Variants in ATRNL1 observed in about 807,000 individuals in gnomAD.
ATRNL1 encodes the protein attractin like 1.
In ATRNL1, 95 loss-of-function variants were observed where a neutral mutation model predicts 182.7. The observed-to-expected ratio is 0.52, with a 90% CI of 0.44 to 0.62. ATRNL1 has a LOEUF of 0.62. Ranked by LOEUF, ATRNL1 falls within the 20% of genes least tolerant of loss-of-function variation. ATRNL1 has a pLI of 0.00. For missense variants in ATRNL1, 1,471 were observed against 1,679.5 expected (o/e 0.88, Z 2.17); for synonymous variants, 576 against 568.3 (o/e 1.01, Z -0.19).
chr10:115,260,745 A>T (rs1353708383), intron 10 of ATRNL1, among the ~76,000 whole-genome samples: 5 of 152,134 alleles, frequency 3.3e-5, no homozygotes, highest in African/African-American at 1.2e-4. Flanking sequence ...AAAGAAAAAA[A>T]TGAGCTCTTG....
intron 19 of ATRNL1, among the ~76,000 whole-genome samples, chr10:115,382,060 T>C (rs114750258): frequency 0.012 from 1,785 of 152,284 alleles, 33 homozygotes; most frequent in African/African-American, 0.04. Flanking sequence ...TTATACACAA[T>C]TTATATTTAT....
intron 28 of ATRNL1, among the ~76,000 whole-genome samples, chr10:115,911,789 A>T (rs1447727290): frequency 6.6e-5 from 10 of 152,144 alleles, no homozygotes; most frequent in Non-Finnish European, 1.5e-5. Flanking sequence ...GAGCACAAGG[A>T]AGAGCACAAG....
intron 27 of ATRNL1, among the ~76,000 whole-genome samples, chr10:115,821,704 T>G (rs561072565): frequency 6.6e-6 from 1 of 152,082 alleles, no homozygotes; most frequent in Non-Finnish European, 1.5e-5. Context: ...TATATGATGG[T>G]AAAGGGATCA....
At chr10:115,329,736 G>A (rs1301678802) in intron 18 of ATRNL1, among the ~76,000 whole-genome samples, 1 of 152,022 alleles carries the variant, frequency 6.6e-6, no homozygotes, top group African/African-American at 2.4e-5. Flanking sequence ...ATATGTTTTT[G>A]CATCTCATTA....
intron 25 of ATRNL1, among the ~76,000 whole-genome samples, chr10:115,547,700 A>G (rs559403606): frequency 6.6e-6 from 1 of 152,348 alleles, no homozygotes; most frequent in African/African-American, 2.4e-5. Flanking sequence ...ACAAAACAAA[A>G]CAAAATGAAA....
chr10:115,910,253 C>T lies in ATRNL1; in HGVS notation c.4019-34405C>T, dbSNP rs1272231528. Among the ~76,000 whole-genome samples, 3 of 152,194 alleles carry T rather than the reference C, an allele frequency of 2.0e-5. No individual in the cohort carries two copies. In the East Asian group the frequency reaches 5.8e-4, roughly 29 times the overall value. On this transcript the variant is annotated intron_variant, in intron 28 of 28. Transcript: ENST00000355044. Reference sequence around the variant, plus strand: ...AAAGGGGCTGCTGCTACCACATTCTCAGCTGCACTCTTGGTCTTGATACCC... The same window carrying T: ...AAAGGGGCTGCTGCTACCACATTCTTAGCTGCACTCTTGGTCTTGATACCC...
intron 18 of ATRNL1, among the ~76,000 whole-genome samples, chr10:115,327,062 A>G (rs2134050629): frequency 6.6e-6 from 1 of 151,240 alleles, no homozygotes; most frequent in East Asian, 2.0e-4. Context: ...AGCAATGGCA[A>G]CAAAAGCCAA....
chr10:115,236,258 A>G (rs1382076268), intron 9 of ATRNL1, among the ~76,000 whole-genome samples: 1 of 152,166 alleles, frequency 6.6e-6, no homozygotes, highest in Non-Finnish European at 1.5e-5. Flanking sequence ...GCATATATCC[A>G]TTTATATCCT....
intron 19 of ATRNL1, among the ~76,000 whole-genome samples, chr10:115,337,393 A>G (rs1172481145): frequency 6.6e-6 from 1 of 152,144 alleles, no homozygotes. Flanking sequence ...TTAAGTTGCT[A>G]CTGACTATAG....
At chr10:115,914,795 G>T (rs10787612) in intron 28 of ATRNL1, among the ~76,000 whole-genome samples, 102,855 of 151,982 alleles carry the variant, frequency 0.68, 38,025 homozygotes, top group East Asian at 0.92. Flanking sequence ...GTCAGAAGAG[G>T]ATTCACACTT....
At chr10:115,101,413 G>A (rs1554864555) in intron 1 of ATRNL1, among the ~76,000 whole-genome samples, 1 of 151,886 alleles carries the variant, frequency 6.6e-6, no homozygotes, top group Non-Finnish European at 1.5e-5. Context: ...GTTTTTACCA[G>A]TGATGGAAAC....
intron 26 of ATRNL1, among the ~76,000 whole-genome samples, chr10:115,587,211 G>A (rs1855574719): frequency 6.6e-6 from 1 of 151,738 alleles, no homozygotes; most frequent in Admixed American, 6.6e-5. Flanking sequence ...CTTTTTGTTT[G>A]TCTGTGCCCT....
intron 20 of ATRNL1, among the ~76,000 whole-genome samples, chr10:115,420,902 A>G (rs1425934214): frequency 1.3e-5 from 2 of 152,194 alleles, no homozygotes; most frequent in African/African-American, 4.8e-5. Flanking sequence ...AAGGATCATT[A>G]GAGACTATAA....
intron 26 of ATRNL1, among the ~76,000 whole-genome samples, chr10:115,637,918 C>T (rs115359253): frequency 0.026 from 4,009 of 152,038 alleles, 82 homozygotes; most frequent in East Asian, 0.12. Flanking sequence ...CCACCGCGCC[C>T]GGCTATTAAC....
chr10:115,458,208 T>G (rs553830664), intron 21 of ATRNL1, among the ~76,000 whole-genome samples: 2 of 152,154 alleles, frequency 1.3e-5, no homozygotes, highest in Non-Finnish European at 2.9e-5. Context: ...CATGTTTAAG[T>G]GCCAGGTAAA....
chr10:115,778,585 T>G (rs1341323173), intron 27 of ATRNL1, among the ~76,000 whole-genome samples: 2 of 152,170 alleles, frequency 1.3e-5, no homozygotes, highest in Non-Finnish European at 2.9e-5. Context: ...ATCGAATATG[T>G]GATTCTTTCC....
intron 26 of ATRNL1, among the ~76,000 whole-genome samples, chr10:115,656,889 C>T (rs1319600401): frequency 3.9e-5 from 6 of 152,144 alleles, no homozygotes; most frequent in Non-Finnish European, 8.8e-5. Flanking sequence ...CATTATCTTA[C>T]TTGTTTTAAT....
intron 28 of ATRNL1, among the ~76,000 whole-genome samples, chr10:115,857,990 A>G (rs1205912995): frequency 2.0e-5 from 3 of 152,240 alleles, no homozygotes; most frequent in African/African-American, 7.2e-5. Context: ...TTAAAACTCA[A>G]CAAGACAACT....
Position 115,816,114 on chromosome 10 carries a change from T to C in ATRNL1, c.3904-31763T>C, listed in dbSNP as rs559184725. On this transcript the variant is annotated intron_variant, in intron 27 of 28. Transcript: ENST00000355044. ...TAGAACATAAGAAACATCAGTGTTATCACTGAAATTCAGCAAGTGCAGATG... is the reference window on the plus strand; with the variant it reads ...TAGAACATAAGAAACATCAGTGTTACCACTGAAATTCAGCAAGTGCAGATG... Among the ~76,000 whole-genome samples the C allele has an allele frequency of 3.0e-4, 46 of 152,266 alleles. 1 individual carries two copies. Among genetic ancestry groups the C allele is most frequent in the African/African-American group, 9.1e-4 (38 of 41,574 alleles).
Sources: allele counts gnomAD v4.1 joint callset (sites outside exome capture counted in the v4.1 genomes callset), GRCh38; gene constraint gnomAD v4.1.1; transcripts MANE v1.5; gene names NCBI Gene and HGNC (gene_info 2026-07-23, HGNC 2026-07-21).